The following FBLN1 variants were observed in gnomAD, a reference collection of about 807,000 sequenced individuals.
FBLN1 encodes the protein fibulin 1, also known as fibulin-1.
Under a neutral mutation model 89.7 loss-of-function variants are expected in FBLN1, and 34 were observed. The ratio of observed to expected loss-of-function variants is 0.38; its 90% CI spans 0.29 to 0.50. The LOEUF (loss-of-function observed/expected upper bound fraction) is 0.50, where lower values mean the gene tolerates loss of function less well. FBLN1 is among the 20% of genes least tolerant of loss of function. FBLN1 has a pLI of 0.92. For synonymous variants in FBLN1, 393 were observed against 391.3 expected (o/e 1.00, Z -0.05); for missense variants, 777 against 988.1 (o/e 0.79, Z 2.86).
chr22:45,566,928 T>G (rs2088905733), intron 14 of FBLN1, among the ~76,000 whole-genome samples: 1 of 152,262 alleles, frequency 6.6e-6, no homozygotes, highest in Non-Finnish European at 1.5e-5. Context: ...CATAGAGTGC[T>G]GACCATGAGA....
intron 16 of FBLN1, among the ~76,000 whole-genome samples, chr22:45,598,399 C>G (rs572482175): frequency 1.3e-5 from 2 of 152,352 alleles, no homozygotes; most frequent in African/African-American, 4.8e-5. Flanking sequence ...TTAGACAAAT[C>G]CTACTGTCAG....
Position 45,577,141 on chromosome 22 carries a change from C to G in FBLN1, c.1972+33C>G. ...GCTGGGAATATCAGCTCTATCCAGGCACCCCTCCCCCTCCACCCCGAAACC... is the reference window on the plus strand; with the variant it reads ...GCTGGGAATATCAGCTCTATCCAGGGACCCCTCCCCCTCCACCCCGAAACC... On this transcript the variant is annotated intron_variant, in intron 16 of 16. Coordinates refer to ENST00000327858, the MANE Select transcript of FBLN1 (RefSeq NM_006486.3). This position sits in a 1 kb window ranked among gnomAD's most constrained non-coding sequence, Gnocchi z 6.6. The G allele has an allele frequency of 6.2e-7, 1 of 1,612,154 alleles. No homozygotes were observed. The highest frequency in any genetic ancestry group is 8.5e-7 in the Non-Finnish European group (1 of 1,179,236).
intron 1 of FBLN1, among the ~76,000 whole-genome samples, chr22:45,505,036 A>G (rs2088000199): frequency 6.6e-6 from 1 of 152,214 alleles, no homozygotes; most frequent in Non-Finnish European, 1.5e-5. Context: ...GTGGGGCCGC[A>G]GATGGTGAGC....
At chr22:45,503,826 C>T (rs923480622) in intron 1 of FBLN1, among the ~76,000 whole-genome samples, 1 of 152,142 alleles carries the variant, frequency 6.6e-6, no homozygotes, top group African/African-American at 2.4e-5. Context: ...TGGCCCAGAC[C>T]TTAGGCCCCA....
Position 45,562,852 on chromosome 22 carries a change from T to A in FBLN1, c.1698-11659T>A. ...CCCCGCATCCCCGCGCTCTGCCGTT[T>A]CTCCGCTTGCTGGACCGGCCCTAAC... On this transcript the variant is annotated intron_variant, in intron 14 of 16. Transcript: ENST00000327858. This position sits in a 1 kb window ranked among gnomAD's most constrained non-coding sequence, Gnocchi z 7.8. 1 of 1,549,354 alleles carries A rather than the reference T, an allele frequency of 6.5e-7. No individual in the cohort carries two copies. Among genetic ancestry groups the A allele is most frequent in the Non-Finnish European group, 8.9e-7 (1 of 1,129,430 alleles).
intron 8 of FBLN1, among the ~76,000 whole-genome samples, chr22:45,538,687 C>T (rs955203364): frequency 3.9e-5 from 6 of 152,154 alleles, no homozygotes; most frequent in East Asian, 1.9e-4. Flanking sequence ...TCCCCCAGCA[C>T]GCACCCTGGG....
chr22:45,503,063 AG>A lies in FBLN1; in HGVS notation c.79+1del. On this transcript the variant is annotated frameshift_variant and splice_region_variant, in exon 1 of 17. Transcript: ENST00000327858. LOFTEE classifies it high-confidence loss of function. The part of the protein sequence containing the change: ...LGGLALLAAG[V>X]DADVLLEACC... ...GCGGCCTTGCGCTGCTGGCGGCCGG[AG>A]GTAGGGGCGTCCCGGGTCCGCCGCC... The A allele has an allele frequency of 8.1e-7, 1 of 1,241,410 alleles. No homozygotes were observed. The highest frequency in any genetic ancestry group is 1.0e-6 in the Non-Finnish European group (1 of 992,828). 76.9% of individuals were successfully genotyped at this position (1,241,410 alleles called of 1,614,324 possible).
chr22:45,583,786 A>G lies in FBLN1; in HGVS notation c.1972+6678A>G, dbSNP rs1030747942. On this transcript the variant is annotated intron_variant, in intron 16 of 16. Coordinates refer to ENST00000327858, the MANE Select transcript of FBLN1 (RefSeq NM_006486.3). The surrounding 1 kb of genome is among the most constrained non-coding windows in gnomAD (Gnocchi z 4.5). ...AATGGGAAGGGGAAGCGCCTGCAGC[A>G]TGAGAGAGAGAGAGAATGAGAGAGA... is the stretch of plus-strand genomic sequence containing the variant. 6.6e-6 allele frequency among the ~76,000 whole-genome samples: 1 copy of G among 152,140 alleles called. No individual in the cohort carries two copies. Among genetic ancestry groups the G allele is most frequent in the Non-Finnish European group, 1.5e-5 (1 of 68,010 alleles).
At chr22:45,505,397 G>T (rs982885122) in intron 1 of FBLN1, among the ~76,000 whole-genome samples, 11 of 152,224 alleles carry the variant, frequency 7.2e-5, no homozygotes, top group Admixed American at 7.2e-4. Flanking sequence ...GGGGGCCAGG[G>T]CACTGAATGC....
rs754679738 is a variant in FBLN1 at position 45,563,083 on chromosome 22, C to A, written c.1698-11428C>A. The A allele has an allele frequency of 1.2e-6, 2 of 1,613,450 alleles. No individual in the cohort carries two copies. The highest frequency in any genetic ancestry group is 2.2e-5 in the East Asian group (1 of 44,832). ...ACAGCATGCAGCTGGCCATCACCGG[C>A]GGCAATGAGGAGGGCTTTTTCACCA... is the stretch of plus-strand genomic sequence containing the variant. On this transcript the variant is annotated intron_variant, in intron 14 of 16. Transcript: ENST00000327858. The surrounding 1 kb of genome is among the most constrained non-coding windows in gnomAD (Gnocchi z 5.7).
chr22:45,550,438 G>C lies in FBLN1; in HGVS notation c.1574-54G>C. The C allele has an allele frequency of 1.2e-6, 2 of 1,613,150 alleles. No homozygotes were observed. The highest frequency in any genetic ancestry group is 1.7e-6 in the Non-Finnish European group (2 of 1,179,830). ...GCCTGGGCTCCTCCGTCTCCAGATGGGTATGGCTCCTGCAGCCTCTGCCTT... is the reference window on the plus strand; with the variant it reads ...GCCTGGGCTCCTCCGTCTCCAGATGCGTATGGCTCCTGCAGCCTCTGCCTT... On this transcript the variant is annotated intron_variant, in intron 13 of 16. Coordinates refer to ENST00000327858, the MANE Select transcript of FBLN1 (RefSeq NM_006486.3). The surrounding 1 kb of genome is among the most constrained non-coding windows in gnomAD (Gnocchi z 8.4).
chr22:45,504,615 G>A (rs1425963655), intron 1 of FBLN1, among the ~76,000 whole-genome samples: 1 of 152,100 alleles, frequency 6.6e-6, no homozygotes, highest in Non-Finnish European at 1.5e-5. Context: ...GGAAGCTGAG[G>A]GCCTGAGAGA....
In FBLN1 at chr22:45,553,404, C is replaced by T. The variant is rs186745678; in HGVS notation, c.1697+2789C>T. On this transcript the variant is annotated intron_variant, in intron 14 of 16. Coordinates refer to ENST00000327858, the MANE Select transcript of FBLN1 (RefSeq NM_006486.3). ...GCGTGGCAGGGGGGGACGGGGCGGG[C>T]TCGCCTATGCCCTGCTCTGTAATAC... is the stretch of plus-strand genomic sequence containing the variant. Among the ~76,000 whole-genome samples the T allele has an allele frequency of 1.7e-4, 26 of 152,292 alleles. No homozygotes were observed. In the South Asian group the frequency reaches 2.7e-3, roughly 16 times the overall value.
chr22:45,583,669 G>A lies in FBLN1; in HGVS notation c.1972+6561G>A, dbSNP rs533670443. 1.1e-4 allele frequency among the ~76,000 whole-genome samples: 16 copies of A among 152,276 alleles called. No homozygotes were observed. Among genetic ancestry groups the A allele is most frequent in the African/African-American group, 3.8e-4 (16 of 41,564 alleles). On this transcript the variant is annotated intron_variant, in intron 16 of 16. Transcript: ENST00000327858. This position sits in a 1 kb window ranked among gnomAD's most constrained non-coding sequence, Gnocchi z 4.5. ...TTTTGGTGTGCCAGTCAGGTGAGAC[G>A]CAGAGAAGACAGCACAATCAACACA...
At position 45,590,236 on chromosome 22, in the gene FBLN1, C is replaced by T. The variant is rs1443873979; in HGVS notation, c.1973-10071C>T. On this transcript the variant is annotated intron_variant, in intron 16 of 16. Coordinates refer to ENST00000327858, the MANE Select transcript of FBLN1 (RefSeq NM_006486.3). The surrounding 1 kb of genome is among the most constrained non-coding windows in gnomAD (Gnocchi z 4.1). ...CAGGCCAGCCTCTCTTCCCCCCCATCCCTCCAGACCTTCATTGCATCTGTA... is the reference window on the plus strand; with the variant it reads ...CAGGCCAGCCTCTCTTCCCCCCCATTCCTCCAGACCTTCATTGCATCTGTA... 2.0e-5 allele frequency among the ~76,000 whole-genome samples: 3 copies of T among 152,250 alleles called. No individual in the cohort carries two copies. The highest frequency in any genetic ancestry group is 4.4e-5 in the Non-Finnish European group (3 of 68,056).
chr22:45,526,678 G>A (rs1458055348), intron 3 of FBLN1, among the ~76,000 whole-genome samples: 3 of 152,224 alleles, frequency 2.0e-5, no homozygotes, highest in East Asian at 3.9e-4. Context: ...GAGGGACTCC[G>A]TGTGGAGGAG....
rs945076953 is a variant in FBLN1 at position 45,588,516 on chromosome 22, C to T, written c.1972+11408C>T. Among the ~76,000 whole-genome samples, 2 of 152,178 alleles carry T rather than the reference C, an allele frequency of 1.3e-5. No individual in the cohort carries two copies. The highest frequency in any genetic ancestry group is 2.9e-5 in the Non-Finnish European group (2 of 68,034). ...TGTTTGTCCTTGCTTCTTATACACA[C>T]ACAGAACAGATGCACCCACTGGGGT... On this transcript the variant is annotated intron_variant, in intron 16 of 16. Transcript: ENST00000327858. The surrounding 1 kb of genome is among the most constrained non-coding windows in gnomAD (Gnocchi z 5.1).
At chr22:45,534,503 G>A (rs556541110) in intron 7 of FBLN1, among the ~76,000 whole-genome samples, 17 of 152,262 alleles carry the variant, frequency 1.1e-4, no homozygotes, top group Non-Finnish European at 1.9e-4. Flanking sequence ...GATGAGGATC[G>A]TTTAGAACAC....
At chr22:45,564,320 G>A (rs1468632288) in intron 14 of FBLN1, among the ~76,000 whole-genome samples, 3 of 152,164 alleles carry the variant, frequency 2.0e-5, no homozygotes, top group African/African-American at 7.2e-5. Flanking sequence ...TGATCTTTTA[G>A]CCTCTGCCTA....
Sources: allele counts gnomAD v4.1 joint callset (sites outside exome capture counted in the v4.1 genomes callset), GRCh38; gene constraint gnomAD v4.1.1; non-coding constraint Gnocchi (gnomAD v3.1); transcripts MANE v1.5; gene names NCBI Gene and HGNC (gene_info 2026-07-23, HGNC 2026-07-21).